PDE3B: variants seen among roughly 807,000 people sequenced by gnomAD.
The protein encoded by PDE3B is phosphodiesterase 3B.
In PDE3B, 66 loss-of-function variants were observed where a neutral mutation model predicts 116.8. That is an observed-to-expected ratio of 0.56 (90% CI 0.46 to 0.69). The LOEUF (loss-of-function observed/expected upper bound fraction) is 0.69, where lower values mean the gene tolerates loss of function less well. Among genes scored for constraint, PDE3B ranks in the 30% least tolerant of loss-of-function variants. The probability of loss-of-function intolerance (pLI) is 0.00; values close to 1 mark genes in which losing one functional copy is unlikely to be tolerated. For synonymous variants in PDE3B, 595 were observed against 533.6 expected, an observed-to-expected ratio of 1.12 and a Z score of -1.59; for missense variants, 1,384 against 1,368.1, an observed-to-expected ratio of 1.01 and a Z score of -0.18.
chr11:14,766,470 T>G (rs1404842657), intron 1 of PDE3B, among the ~76,000 whole-genome samples: 6 of 151,684 alleles, frequency 4.0e-5, no homozygotes, highest in Non-Finnish European at 7.4e-5. Flanking sequence ...TTTTGCATTT[T>G]ATTGAAAAAA....
chr11:14,769,213 G>A (rs1312041205), intron 1 of PDE3B, among the ~76,000 whole-genome samples: 2 of 151,410 alleles, frequency 1.3e-5, no homozygotes, highest in East Asian at 1.9e-4. Flanking sequence ...TATTGAGGGA[G>A]ATGGTCTGTA....
intron 1 of PDE3B, among the ~76,000 whole-genome samples, chr11:14,651,026 AAGT>A (rs1441224107): frequency 6.6e-6 from 1 of 152,142 alleles, no homozygotes; most frequent in East Asian, 1.9e-4. Flanking sequence ...TGCCATGACA[AAGT>A]AGCACAAACT....
At position 14,764,831 on chromosome 11, in the gene PDE3B, A is replaced by C. The variant is rs1234118696; in HGVS notation, c.979-7106A>C. Among the ~76,000 whole-genome samples the C allele has an allele frequency of 5.3e-5, 8 of 151,938 alleles. No individual in the cohort carries two copies. The East Asian group carries it at 1.5e-3, about 29-fold the overall frequency. ...ACTAGAAAGAATAGTAAATGACATC[A>C]GTTTCCAAGTAATACTAGTCTCCTA... On this transcript the variant is annotated intron_variant, in intron 1 of 15. Transcript: ENST00000282096.
At position 14,811,051 on chromosome 11, in the gene PDE3B, A is replaced by G. The variant is rs1349787315; in HGVS notation, c.1522+7001A>G. Among the ~76,000 whole-genome samples the G allele has an allele frequency of 7.9e-4, 120 of 152,094 alleles. 1 individual carries two copies. The highest frequency in any genetic ancestry group is 2.1e-4 in the South Asian group (1 of 4,826). ...TCTTGTAAATTTGTTTGAGTTCATC[A>G]TAGATTCTGGATATTAGCCCTTTGT... On this transcript the variant is annotated intron_variant, in intron 5 of 15. Transcript: ENST00000282096.
At chr11:14,675,762 TTC>T (rs1041663260) in intron 1 of PDE3B, among the ~76,000 whole-genome samples, 15 of 152,190 alleles carry the variant, frequency 9.9e-5, no homozygotes, top group African/African-American at 3.6e-4. Flanking sequence ...TTATTTATTA[TTC>T]TGTCACAATT....
intron 1 of PDE3B, among the ~76,000 whole-genome samples, chr11:14,753,387 G>T (rs1479887498): frequency 6.6e-6 from 1 of 152,016 alleles, no homozygotes; most frequent in African/African-American, 2.4e-5. Flanking sequence ...CTAAATGATG[G>T]ATATATTTTT....
At chr11:14,693,781 T>C (rs1399193460) in intron 1 of PDE3B, among the ~76,000 whole-genome samples, 1 of 152,226 alleles carries the variant, frequency 6.6e-6, no homozygotes, top group African/African-American at 2.4e-5. Context: ...TAACATCCAT[T>C]CTGCAGCCCA....
At chr11:14,652,110 CTT>C (rs754566008) in intron 1 of PDE3B, among the ~76,000 whole-genome samples, 4 of 151,934 alleles carry the variant, frequency 2.6e-5, no homozygotes, top group Admixed American at 2.0e-4. Flanking sequence ...ATATTTAGGT[CTT>C]TGATTCATTT....
chr11:14,820,685 G>T (rs1859490561), intron 7 of PDE3B, among the ~76,000 whole-genome samples: 2 of 152,080 alleles, frequency 1.3e-5, no homozygotes, highest in Admixed American at 1.3e-4. Context: ...GGTCATGAAG[G>T]TGGATCCTTC....
At chr11:14,856,979 CT>C (rs1203138663) in intron 12 of PDE3B, among the ~76,000 whole-genome samples, 9 of 152,106 alleles carry the variant, frequency 5.9e-5, no homozygotes, top group Admixed American at 5.9e-4. Context: ...CAGACTTATC[CT>C]TTGTATGATC....
chr11:14,776,616 C>T (rs1046884309), intron 2 of PDE3B: 1 of 150,852 alleles, frequency 6.6e-6, no homozygotes, highest in Non-Finnish European at 1.5e-5. Context: ...CACATGTACC[C>T]TAAAACTTAA....
At chr11:14,766,369 T>G (rs1442685492) in intron 1 of PDE3B, among the ~76,000 whole-genome samples, 1 of 151,724 alleles carries the variant, frequency 6.6e-6, no homozygotes, top group East Asian at 1.9e-4. Context: ...ACTCCAGAAT[T>G]AAGAGATTGC....
intron 1 of PDE3B, among the ~76,000 whole-genome samples, chr11:14,764,025 A>G (rs996934467): frequency 6.6e-6 from 1 of 152,128 alleles, no homozygotes; most frequent in Admixed American, 6.6e-5. Context: ...GAGAATGAAC[A>G]GAGTTAAGGA....
At chr11:14,723,808 A>T (rs570105842) in intron 1 of PDE3B, among the ~76,000 whole-genome samples, 2 of 152,194 alleles carry the variant, frequency 1.3e-5, no homozygotes, top group Admixed American at 6.5e-5. Context: ...ATTGTTGAAG[A>T]GCAATGGTAT....
intron 1 of PDE3B, among the ~76,000 whole-genome samples, chr11:14,665,625 C>G (rs111890630): frequency 0.12 from 18,056 of 152,098 alleles, 1,366 homozygotes; most frequent in African/African-American, 0.22. Context: ...ACACCAATAA[C>G]AGACAAACAG....
chr11:14,804,319 G>A (rs538908067), intron 5 of PDE3B, among the ~76,000 whole-genome samples: 1 of 151,926 alleles, frequency 6.6e-6, no homozygotes, highest in Non-Finnish European at 1.5e-5. Flanking sequence ...TAACCTGAAT[G>A]GTTGCAGACC....
intron 5 of PDE3B, among the ~76,000 whole-genome samples, chr11:14,806,858 CAAAAAAAAAAAAA>C (rs953411145): frequency 1.1e-4 from 5 of 45,930 alleles, no homozygotes; most frequent in Non-Finnish European, 4.0e-5. Flanking sequence ...GACTCCGTCT[CAAAAAAAAAAAAA>C]AAAAAAAAAG....
chr11:14,739,859 A>G (rs1856713391), intron 1 of PDE3B, among the ~76,000 whole-genome samples: 1 of 152,062 alleles, frequency 6.6e-6, no homozygotes, highest in African/African-American at 2.4e-5. Context: ...TGTTGAGATA[A>G]TCATGTGGTT....
At chr11:14,759,476 T>C (rs922400510) in intron 1 of PDE3B, among the ~76,000 whole-genome samples, 3 of 151,984 alleles carry the variant, frequency 2.0e-5, no homozygotes, top group African/African-American at 7.3e-5. Flanking sequence ...TGTAGTTCAG[T>C]AGTAGTTCAG....
Sources: gnomAD v4.1 joint callset for allele counts (sites outside exome capture counted in the v4.1 genomes callset) on GRCh38, gnomAD v4.1.1 for gene constraint, MANE v1.5 for transcripts, NCBI Gene and HGNC (gene_info 2026-07-23, HGNC 2026-07-21) for gene names.